Variants in ATIC observed in about 807,000 individuals in gnomAD.
ATIC encodes 5-aminoimidazole-4-carboxamide ribonucleotide formyltransferase/IMP cyclohydrolase.
ATIC carries 64 observed loss-of-function variants against 72.5 expected under a neutral mutation model. That is an observed-to-expected ratio of 0.88 (90% CI 0.72 to 1.09). The LOEUF (loss-of-function observed/expected upper bound fraction) is 1.09, where lower values mean the gene tolerates loss of function less well. ATIC is among the 50% of genes least tolerant of loss of function. The pLI, the probability that ATIC is intolerant of heterozygous loss-of-function variation, is 0.00. For synonymous variants in ATIC, 281 were observed against 267.1 expected, an observed-to-expected ratio of 1.05 and a Z score of -0.51; for missense variants, 787 against 732.4, an observed-to-expected ratio of 1.07 and a Z score of -0.86.
chr2:215,367,369 C>T, the ATIC span, among the ~76,000 whole-genome samples: 2 of 152,124 alleles, frequency 1.3e-5, no homozygotes, highest in Admixed American at 1.3e-4. Flanking sequence ...TTTCTAGCAA[C>T]GTTCAAGCTA....
the ATIC span, chr2:215,367,919 T>C: frequency 6.2e-7 from 1 of 1,614,034 alleles, no homozygotes; most frequent in Non-Finnish European, 8.5e-7. Context: ...GCACAACAGT[T>C]TAAAGCCTGA....
intron 4 of ATIC, among the ~76,000 whole-genome samples, chr2:215,323,820 G>C (rs111868244): frequency 0.02 from 3,031 of 152,218 alleles, 96 homozygotes; most frequent in African/African-American, 0.069. Flanking sequence ...GTTGCCCAAG[G>C]CGGAGTGCAG....
At chr2:215,319,221 C>G (rs2052741832) in intron 3 of ATIC, among the ~76,000 whole-genome samples, 1 of 152,086 alleles carries the variant, frequency 6.6e-6, no homozygotes, top group Non-Finnish European at 1.5e-5. Context: ...TGATAACTCC[C>G]CAACTACATG....
rs894757440 is a variant in ATIC, at chr2:215,332,648, T to G, written c.814+141T>G. 4.3e-5 allele frequency: 47 copies of G among 1,101,932 alleles called. 1 individual carries two copies. The highest frequency in any genetic ancestry group is 1.5e-5 in the Non-Finnish European group (12 of 791,800). The allele number at this position is 1,101,932 out of a possible 1,614,324, so 68.3% of individuals were successfully genotyped here. ...TCATCTGTTGATAACAGTATCAATG[T>G]AATAATATAAAATCTGATACACACA... On this transcript the variant is annotated intron_variant, in intron 8 of 15. Transcript: ENST00000236959.
intron 11 of ATIC, among the ~76,000 whole-genome samples, chr2:215,337,802 C>G (rs966507365): frequency 1.3e-5 from 2 of 152,126 alleles, no homozygotes; most frequent in African/African-American, 4.8e-5. Context: ...CTCTTTAACA[C>G]CTGATAGTTG....
intron 6 of ATIC, 73 bp from the exon 7 acceptor site, chr2:215,326,749 G>T (rs2052830957): frequency 6.4e-7 from 1 of 1,568,562 alleles, no homozygotes; most frequent in African/African-American, 1.4e-5. Flanking sequence ...TGTTTGCTGT[G>T]GACGTAGAAA....
At position 215,349,627 on chromosome 2, in the gene ATIC, A is replaced by G. The variant is rs201429123; in HGVS notation, c.1751A>G (p.His584Arg). The change falls in exon 16 of 16, where the codon CAT becomes CGT. Residue 584 changes from histidine (H) to arginine (R), a missense_variant. Transcript: ENST00000236959. ...GACGAACTGGGAATCATCCTCGCTC[A>G]TACGAACCTTCGGCTCTTCCACCAC... ...ACDELGIILA[H>R]TNLRLFHH 1.2e-4 allele frequency: 188 copies of G among 1,614,192 alleles called. 2 individuals carry two copies. In the Middle Eastern group the frequency reaches 4.5e-3, roughly 38 times the overall value.
At chr2:215,334,397 T>C (rs2052932682) in intron 9 of ATIC, among the ~76,000 whole-genome samples, 2 of 152,034 alleles carry the variant, frequency 1.3e-5, no homozygotes, top group South Asian at 2.1e-4. Flanking sequence ...GGTTTCACCA[T>C]GTTGGCCAGG....
chr2:215,323,865 C>G (rs1426695511), intron 4 of ATIC, among the ~76,000 whole-genome samples: 1 of 152,174 alleles, frequency 6.6e-6, no homozygotes, highest in Non-Finnish European at 1.5e-5. Context: ...CCTCCGCCTC[C>G]CGGGTTTAAG....
At position 215,326,002 on chromosome 2, in the gene ATIC, T is replaced by A; in HGVS notation, c.395T>A (p.Leu132Gln). 2 of 1,614,180 alleles carry A rather than the reference T, an allele frequency of 1.2e-6. No individual in the cohort carries two copies. The highest frequency in any genetic ancestry group is 1.7e-6 in the Non-Finnish European group (2 of 1,180,020). Residue 132 changes from leucine to glutamine, a missense_variant, in exon 6 of 16, where the codon CTG (leucine) becomes CAG (glutamine). By Grantham distance (113) the Leu-to-Gln change is moderately radical. Transcript: ENST00000236959. ...EQIDIGGVTL[L>Q]RAAAKNHARV... The stretch of plus-strand genomic sequence containing the variant: ...TTCTTCAAAGGTGGAGTAACCTTAC[T>A]GAGAGCTGCAGCCAAAAACCACGCT...
At position 215,312,079 on chromosome 2, in the gene ATIC, C is replaced by T. The variant is rs1407578310; in HGVS notation, c.-64C>T. 1.3e-6 allele frequency: 2 copies of T among 1,529,366 alleles called. No individual in the cohort carries two copies. Among genetic ancestry groups the T allele is most frequent in the Admixed American group, 3.9e-5 (2 of 50,728 alleles). 94.7% of individuals were successfully genotyped at this position (1,529,366 alleles called of 1,614,324 possible). On this transcript the variant is annotated 5_prime_UTR_variant, in exon 1 of 16. Transcript: ENST00000236959. ...GAGCCGCCACATCCCGGCAGCCCTC[C>T]TACCTGCGCACGTGGTGCCGCCGCT...
At chr2:215,360,135 A>G in the ATIC span, among the ~76,000 whole-genome samples, 83,464 of 152,000 alleles carry the variant, frequency 0.55, 23,785 homozygotes, top group Non-Finnish European at 0.63. Flanking sequence ...ACAAGGTTTC[A>G]CCATGTTGGC....
At chr2:215,321,187 C>A (rs2052763049) in intron 4 of ATIC, among the ~76,000 whole-genome samples, 1 of 152,200 alleles carries the variant, frequency 6.6e-6, no homozygotes, top group South Asian at 2.1e-4. Context: ...TGTTACGTGT[C>A]TGATTTGCCT....
At chr2:215,328,898 G>C (rs532832963) in intron 7 of ATIC, among the ~76,000 whole-genome samples, 337 of 152,192 alleles carry the variant, frequency 2.2e-3, no homozygotes, top group Non-Finnish European at 3.3e-3. Context: ...TGTATTTTTA[G>C]TAGAGATAGG....
chr2:215,355,521 C>CACCTTTCTAAAGCCCAGCCT, the ATIC span, among the ~76,000 whole-genome samples: 1 of 152,144 alleles, frequency 6.6e-6, no homozygotes, highest in African/African-American at 2.4e-5. Flanking sequence ...CTCTCCAGGC[C>CACCTTTCTAAAGCCCAGCCT]ACCTTTCTAA....
At chr2:215,337,629 A>G (rs979156299) in intron 11 of ATIC, among the ~76,000 whole-genome samples, 4 of 152,152 alleles carry the variant, frequency 2.6e-5, no homozygotes, top group African/African-American at 9.7e-5. Context: ...GGCCTCCCAA[A>G]GTGTTGGGAT....
At chr2:215,333,567 A>T in intron 9 of ATIC, 110 bp downstream of exon 9, 1 of 736,496 alleles carries the variant, frequency 1.4e-6, no homozygotes, top group Non-Finnish European at 2.2e-6. Context: ...ATTCTGTATA[A>T]TATATAGATG....
Position 215,338,907 on chromosome 2 carries a change from T to A in ATIC, c.1227T>A (p.Asp409Glu). ...LFSNVVTKNKDLPESALRDLI... is the reference protein window; with the variant it reads ...LFSNVVTKNKELPESALRDLI... ...GCAATGTTGTTACCAAAAATAAAGA[T>A]GTAAGTTGGGAAGTATCTGAACTGA... Residue 409 changes from aspartate (D) to glutamate (E), a missense_variant and splice_region_variant, in exon 12 of 16, where the codon GAT (aspartate) becomes GAA (glutamate). By Grantham distance (45) the Asp-to-Glu change is conservative. Transcript: ENST00000236959. 1 of 1,613,250 alleles carries A rather than the reference T, an allele frequency of 6.2e-7. No homozygotes were observed. The highest frequency in any genetic ancestry group is 8.5e-7 in the Non-Finnish European group (1 of 1,179,502).
At chr2:215,365,060 A>G in the ATIC span, 4 of 932,690 alleles carry the variant, frequency 4.3e-6, no homozygotes, top group South Asian at 1.4e-5. Flanking sequence ...GGTGGGTTCT[A>G]TTTCTGTCCT....
Sources: gnomAD v4.1 joint callset for allele counts (sites outside exome capture counted in the v4.1 genomes callset) on GRCh38, gnomAD v4.1.1 for gene constraint, MANE v1.5 for transcripts, NCBI Gene and HGNC (gene_info 2026-07-23, HGNC 2026-07-21) for gene names.